Variants in C5 observed in about 807,000 individuals in gnomAD.
C5 encodes the protein complement C5, also known as C3 and PZP-like alpha-2-macroglobulin domain-containing protein 4.
A neutral mutation model predicts 218.8 loss-of-function variants in C5; 140 were observed. The ratio of observed to expected loss-of-function variants is 0.64; its 90% CI spans 0.56 to 0.74. The LOEUF (loss-of-function observed/expected upper bound fraction) is 0.74, where lower values mean the gene tolerates loss of function less well. Among genes scored for constraint, C5 ranks in the 30% least tolerant of loss-of-function variants. The pLI, the probability that C5 is intolerant of heterozygous loss-of-function variation, is 0.00. For missense variants in C5, 1,700 were observed against 1,969.6 expected (o/e 0.86, Z 2.59); for synonymous variants, 614 against 682.3 (o/e 0.90, Z 1.56).
rs549723535 is a variant in C5 at position 120,958,806 on chromosome 9, A to AT, written c.4679-1439dup. 9.5e-4 allele frequency among the ~76,000 whole-genome samples: 141 copies of AT among 149,148 alleles called. 2 individuals are homozygous for AT. The highest frequency in any genetic ancestry group is 2.1e-3 in the South Asian group (10 of 4,736). ...GTAAATAGTGATAATACTCTGTTAC[A>AT]TTTTTTTTTTGACAGGGTCTCACTC... is the stretch of plus-strand genomic sequence containing the variant. On this transcript the variant is annotated intron_variant, in intron 38 of 40. Transcript: ENST00000223642.
intron 25 of C5, 68 bp from the exon 26 acceptor site, chr9:120,982,882 TACA>T (rs1313313324): frequency 3.5e-6 from 3 of 847,010 alleles, no homozygotes; most frequent in Non-Finnish European, 5.6e-6. Flanking sequence ...AATTAATTTA[TACA>T]ACTTTATTCT....
At chr9:121,072,014 T>C in the C5 span, among the ~76,000 whole-genome samples, 1 of 152,134 alleles carries the variant, frequency 6.6e-6, no homozygotes, top group African/African-American at 2.4e-5. Context: ...CACTTCTGCT[T>C]TGGAGAAGGA....
intron 4 of C5, among the ~76,000 whole-genome samples, chr9:121,035,152 T>C (rs1408381821): frequency 6.7e-6 from 1 of 149,578 alleles, no homozygotes; most frequent in African/African-American, 2.5e-5. Context: ...TCAACTCTCG[T>C]TGTACATCTA....
At chr9:121,054,274 C>T (rs1439139484), upstream of C5, among the ~76,000 whole-genome samples, 1 of 152,158 alleles carries the variant, frequency 6.6e-6, no homozygotes, top group Non-Finnish European at 1.5e-5. Context: ...ACCCTACAAA[C>T]CATAAAATAT....
chr9:121,017,902 A>C, intron 12 of C5, 50 bp from the exon 13 acceptor site: 1 of 1,187,500 alleles, frequency 8.4e-7, no homozygotes, highest in Non-Finnish European at 1.3e-6. Context: ...AACAAACAAA[A>C]ACAAAACCTG....
intron 39 of C5, among the ~76,000 whole-genome samples, chr9:120,954,406 A>G (rs1366286675): frequency 6.6e-6 from 1 of 152,264 alleles, no homozygotes; most frequent in Non-Finnish European, 1.5e-5. Flanking sequence ...GGGATTCTCA[A>G]AGAACTCACA....
At chr9:120,956,984 A>G (rs1024519278) in intron 39 of C5, 2 of 352,638 alleles carry the variant, frequency 5.7e-6, no homozygotes, top group South Asian at 2.3e-5. Flanking sequence ...CAATTTACCC[A>G]TGTAGCAAAT....
intron 20 of C5, chr9:120,999,892 C>T (rs1181596540): frequency 2.2e-6 from 1 of 451,136 alleles, no homozygotes; most frequent in South Asian, 1.6e-5. Flanking sequence ...ATGCATGACA[C>T]TTTAAAATGC....
chr9:121,045,270 C>G lies in C5; in HGVS notation c.258+921G>C, dbSNP rs1387934242. Reference sequence around the variant, plus strand: ...CTTAAACTTGAGTAATATGCATAGTCCTTTTAAAGGACAAAAGTCATGGAG... The same window carrying G: ...CTTAAACTTGAGTAATATGCATAGTGCTTTTAAAGGACAAAAGTCATGGAG... On this transcript the variant is annotated intron_variant, in intron 2 of 40. Coordinates refer to ENST00000223642, the MANE Select transcript of C5 (RefSeq NM_001735.3). Among the ~76,000 whole-genome samples the G allele has an allele frequency of 2.0e-5, 3 of 152,058 alleles. No homozygotes were observed. The East Asian group carries it at 5.8e-4, about 29-fold the overall frequency.
upstream of C5, among the ~76,000 whole-genome samples, chr9:121,051,208 T>C (rs979960175): frequency 6.6e-6 from 1 of 151,594 alleles, no homozygotes; most frequent in African/African-American, 2.4e-5. Flanking sequence ...GGGCAACCTC[T>C]GCCTCCCAGG....
At chr9:121,002,316 G>GTGTGTGTGTGTGTATATATATATATATA (rs572345213) in intron 20 of C5, among the ~76,000 whole-genome samples, 1 of 87,398 alleles carries the variant, frequency 1.1e-5, no homozygotes, top group Admixed American at 1.3e-4. Context: ...ATATGTGTGT[G>GTGTGTGTGTGTGTATATATATATATATA]TATATATATA....
At chr9:120,993,432 T>C (rs1484326166) in intron 22 of C5, among the ~76,000 whole-genome samples, 1 of 151,966 alleles carries the variant, frequency 6.6e-6, no homozygotes, top group Admixed American at 6.6e-5. Flanking sequence ...TATATATATA[T>C]ATATTTTTGA....
chr9:121,034,769 G>A (rs370790756), intron 5 of C5, 34 bp downstream of exon 5: 63 of 1,194,616 alleles, frequency 5.3e-5, no homozygotes, highest in Admixed American at 1.0e-4. Context: ...CAAAAGTTCC[G>A]TATGTGGTTT....
chr9:121,009,593 G>A (rs1300457718), intron 17 of C5, among the ~76,000 whole-genome samples: 28 of 151,722 alleles, frequency 1.8e-4, no homozygotes, highest in Admixed American at 1.8e-3. Context: ...AGAGGGGAGA[G>A]CAAGATGGCT....
At chr9:120,955,603 C>T (rs1445565904) in intron 39 of C5, among the ~76,000 whole-genome samples, 1 of 151,954 alleles carries the variant, frequency 6.6e-6, no homozygotes, top group African/African-American at 2.4e-5. Flanking sequence ...AGAATGGCAA[C>T]TAGCCTGCAA....
chr9:121,020,483 TCTC>T (rs1360423844), intron 11 of C5, among the ~76,000 whole-genome samples: 2 of 152,250 alleles, frequency 1.3e-5, no homozygotes, highest in East Asian at 1.9e-4. Flanking sequence ...AGTTGGGACT[TCTC>T]CTCGCATGGG....
At chr9:121,048,591 T>A (rs1055988915) in intron 1 of C5, among the ~76,000 whole-genome samples, 1 of 152,240 alleles carries the variant, frequency 6.6e-6, no homozygotes. Flanking sequence ...ACTGCTGGTC[T>A]ATGTGATGGT....
At chr9:121,005,241 T>C (rs1301495415) in intron 20 of C5, among the ~76,000 whole-genome samples, 2 of 152,174 alleles carry the variant, frequency 1.3e-5, no homozygotes, top group African/African-American at 2.4e-5. Flanking sequence ...GGTCCAATCA[T>C]GGTTGGAATT....
At chr9:121,038,987 G>A (rs897030305) in intron 3 of C5, among the ~76,000 whole-genome samples, 1 of 152,134 alleles carries the variant, frequency 6.6e-6, no homozygotes, top group Non-Finnish European at 1.5e-5. Flanking sequence ...AAGTCAGAAA[G>A]TCACAAAAGT....
Sources: allele counts gnomAD v4.1 joint callset (sites outside exome capture counted in the v4.1 genomes callset), GRCh38; gene constraint gnomAD v4.1.1; transcripts MANE v1.5; gene names NCBI Gene and HGNC (gene_info 2026-07-23, HGNC 2026-07-21).